The following HS6ST3 variants were observed in gnomAD, a reference collection of about 807,000 sequenced individuals.
HS6ST3 encodes heparan-sulfate 6-O-sulfotransferase 3.
A neutral mutation model predicts 36.7 loss-of-function variants in HS6ST3; 12 were observed. That is an observed-to-expected ratio of 0.33 (90% CI 0.21 to 0.53). HS6ST3 has a LOEUF of 0.53. Among genes scored for constraint, HS6ST3 ranks in the 20% least tolerant of loss-of-function variants. HS6ST3 has a pLI of 0.95. For synonymous variants in HS6ST3, 240 were observed against 257.5 expected, an observed-to-expected ratio of 0.93 and a Z score of 0.65; for missense variants, 584 against 640.9, an observed-to-expected ratio of 0.91 and a Z score of 0.96.
intron 1 of HS6ST3, among the ~76,000 whole-genome samples, chr13:96,458,149 ACTGTGGTCT>A (rs2055763507): frequency 2.0e-5 from 3 of 152,126 alleles, no homozygotes; most frequent in Admixed American, 1.3e-4. Flanking sequence ...GTATTCCCAT[ACTGTGGTCT>A]TACCTTCATT....
At chr13:96,391,617 G>C (rs562810157) in intron 1 of HS6ST3, among the ~76,000 whole-genome samples, 1 of 152,310 alleles carries the variant, frequency 6.6e-6, no homozygotes, top group African/African-American at 2.4e-5. Flanking sequence ...GTTCCACATG[G>C]CTGGGGAGGC....
At chr13:96,502,036 G>T (rs1177972972) in intron 1 of HS6ST3, among the ~76,000 whole-genome samples, 1 of 152,104 alleles carries the variant, frequency 6.6e-6, no homozygotes, top group Non-Finnish European at 1.5e-5. Flanking sequence ...CTTTGTTAAG[G>T]CCTTGTATGA....
chr13:96,353,080 A>T (rs1271380264), intron 1 of HS6ST3, among the ~76,000 whole-genome samples: 2 of 99,142 alleles, frequency 2.0e-5, no homozygotes, highest in Non-Finnish European at 3.7e-5. Context: ...TTTGAGACGG[A>T]GTCTTGCTCT....
intron 1 of HS6ST3, among the ~76,000 whole-genome samples, chr13:96,207,430 G>A (rs1253455421): frequency 3.3e-5 from 5 of 151,972 alleles, no homozygotes; most frequent in Non-Finnish European, 7.4e-5. Context: ...CAGTTCCTCA[G>A]AGATGCAGAG....
chr13:96,462,028 A>C (rs2055786912), intron 1 of HS6ST3, among the ~76,000 whole-genome samples: 1 of 152,180 alleles, frequency 6.6e-6, no homozygotes, highest in Non-Finnish European at 1.5e-5. Context: ...GAAATTGATT[A>C]CTATGTCACA....
chr13:96,434,538 G>A (rs1211855675), intron 1 of HS6ST3, among the ~76,000 whole-genome samples: 1 of 151,954 alleles, frequency 6.6e-6, no homozygotes, highest in African/African-American at 2.4e-5. Context: ...CAAAGTTGGA[G>A]ACCAGCTCTG....
intron 1 of HS6ST3, among the ~76,000 whole-genome samples, chr13:96,702,318 G>A (rs569012537): frequency 6.6e-6 from 1 of 152,180 alleles, no homozygotes; most frequent in Admixed American, 6.5e-5. Context: ...AGATTTCCCT[G>A]TCTTTATTTA....
chr13:96,334,392 A>G (rs1316647883), intron 1 of HS6ST3, among the ~76,000 whole-genome samples: 1 of 152,164 alleles, frequency 6.6e-6, no homozygotes, highest in Non-Finnish European at 1.5e-5. Context: ...ACGTCTCCCC[A>G]GAAGCAGATG....
intron 1 of HS6ST3, among the ~76,000 whole-genome samples, chr13:96,370,506 T>C (rs904269755): frequency 2.0e-5 from 3 of 152,092 alleles, no homozygotes; most frequent in Non-Finnish European, 4.4e-5. Context: ...AGAACTAGAG[T>C]GTTACCGTCA....
At chr13:96,438,391 G>T (rs148118748) in intron 1 of HS6ST3, among the ~76,000 whole-genome samples, 5 of 152,306 alleles carry the variant, frequency 3.3e-5, no homozygotes, top group African/African-American at 1.2e-4. Flanking sequence ...TTATTTTACA[G>T]ATAAGGTCCA....
At chr13:96,255,599 C>G (rs1327669898) in intron 1 of HS6ST3, among the ~76,000 whole-genome samples, 1 of 152,078 alleles carries the variant, frequency 6.6e-6, no homozygotes, top group East Asian at 1.9e-4. Context: ...TGGGGCAGGC[C>G]TTCTGGTTGT....
Position 96,597,200 on chromosome 13 carries a change from TAGG to T in HS6ST3, c.708-235283_708-235281del, listed in dbSNP as rs1476502631. 5.3e-5 allele frequency among the ~76,000 whole-genome samples: 8 copies of T among 151,906 alleles called. No individual in the cohort carries two copies. In the East Asian group the frequency reaches 1.6e-3, roughly 29 times the overall value. ...CTGGAGCCTACTGGAGGGCGAAGGG[TAGG>T]AGGAGGGAGAAGATCATGAAAAATA... On this transcript the variant is annotated intron_variant, in intron 1 of 1. Coordinates refer to ENST00000376705, the MANE Select transcript of HS6ST3 (RefSeq NM_153456.4).
chr13:96,392,170 C>CT (rs917912843), intron 1 of HS6ST3, among the ~76,000 whole-genome samples: 20 of 152,314 alleles, frequency 1.3e-4, no homozygotes, highest in African/African-American at 4.3e-4. Flanking sequence ...TGTATGTGGT[C>CT]TTTAACAGTT....
chr13:96,616,282 A>T (rs183000362), intron 1 of HS6ST3, among the ~76,000 whole-genome samples: 1 of 152,306 alleles, frequency 6.6e-6, no homozygotes, highest in African/African-American at 2.4e-5. Context: ...CTAGAAATCA[A>T]TGCTAAGATT....
chr13:96,335,841 C>G (rs992930847), intron 1 of HS6ST3, among the ~76,000 whole-genome samples: 2 of 152,090 alleles, frequency 1.3e-5, no homozygotes, highest in Admixed American at 6.6e-5. Flanking sequence ...AAAAAGACTC[C>G]TTTTGTGAGT....
intron 1 of HS6ST3, among the ~76,000 whole-genome samples, chr13:96,358,137 T>A (rs946158775): frequency 6.6e-6 from 1 of 152,122 alleles, no homozygotes; most frequent in Non-Finnish European, 1.5e-5. Flanking sequence ...GAAATCTCTT[T>A]TAAAAAATAA....
At chr13:96,362,290 T>TA (rs34993285) in intron 1 of HS6ST3, among the ~76,000 whole-genome samples, 45,026 of 152,074 alleles carry the variant, frequency 0.3, 7,909 homozygotes, top group Non-Finnish European at 0.4. Context: ...TTTTTAAAAT[T>TA]AAAAAAACTG....
At chr13:96,599,840 A>T (rs1218335954) in intron 1 of HS6ST3, among the ~76,000 whole-genome samples, 1 of 152,068 alleles carries the variant, frequency 6.6e-6, no homozygotes, top group Non-Finnish European at 1.5e-5. Context: ...CACTATTGTC[A>T]TTCATTTTGA....
chr13:96,576,027 C>G (rs942285285), intron 1 of HS6ST3, among the ~76,000 whole-genome samples: 1 of 152,014 alleles, frequency 6.6e-6, no homozygotes, highest in Non-Finnish European at 1.5e-5. Context: ...TGTGGCTTCC[C>G]GAAATGGGCA....
Sources: gnomAD v4.1 joint callset for allele counts (sites outside exome capture counted in the v4.1 genomes callset) on GRCh38, gnomAD v4.1.1 for gene constraint, MANE v1.5 for transcripts, NCBI Gene and HGNC (gene_info 2026-07-23, HGNC 2026-07-21) for gene names.